TCF20: variants seen among roughly 807,000 people sequenced by gnomAD.
The protein encoded by TCF20 is transcription factor 20, also known as SPRE-binding protein.
In TCF20, 3 loss-of-function variants were observed where a neutral mutation model predicts 148.6. That is an observed-to-expected ratio of 0.02 (90% CI 0.01 to 0.05). TCF20 has a LOEUF of 0.05. TCF20 is among the 10% of genes least tolerant of loss of function. TCF20 has a pLI of 1.00. For missense variants in TCF20, 2,350 were observed against 2,429.3 expected, an observed-to-expected ratio of 0.97 and a Z score of 0.69; for synonymous variants, 1,049 against 909.5, an observed-to-expected ratio of 1.15 and a Z score of -2.76.
Position 42,211,301 on chromosome 22 carries a change from G to C in TCF20, c.4005C>G (p.Ser1335Arg). 6.2e-7 allele frequency: 1 copy of C among 1,614,174 alleles called. No homozygotes were observed. The highest frequency in any genetic ancestry group is 8.5e-7 in the Non-Finnish European group (1 of 1,180,038). Reference sequence around the variant, plus strand: ...GGGGCAGTATTTTGGTCTTAGCAGGGCTTGTGAGGGTAACAGCAGGGCAGT... The same window carrying C: ...GGGGCAGTATTTTGGTCTTAGCAGGCCTTGTGAGGGTAACAGCAGGGCAGT... ...SRNCPAVTLT[S>R]PAKTKILPPR... The change falls in exon 2 of 6, where the codon AGC becomes AGG. Residue 1335 changes from serine to arginine, a missense_variant. By Grantham distance (110) the Ser-to-Arg change is moderately radical. This residue lies in a region of TCF20 where 1,641 missense variants were observed against 1,662.6 expected (regional missense o/e 0.99). Coordinates refer to ENST00000677622, the MANE Select transcript of TCF20 (RefSeq NM_001378418.1).
At chr22:42,221,739 G>GTTTTTTTTGT (rs1922377023) in intron 1 of TCF20, among the ~76,000 whole-genome samples, 1 of 92,820 alleles carries the variant, frequency 1.1e-5, no homozygotes, top group Admixed American at 1.3e-4. Context: ...ATGGCAAAGG[G>GTTTTTTTTGT]TTTTTTTTTT....
chr22:42,324,358 A>T (rs1191182386), intron 1 of TCF20, among the ~76,000 whole-genome samples: 1 of 152,072 alleles, frequency 6.6e-6, no homozygotes, highest in African/African-American at 2.4e-5. Context: ...GCCTGATAAG[A>T]CTTGAGAGAA....
At chr22:42,185,072 G>C (rs192398599) in intron 2 of TCF20, among the ~76,000 whole-genome samples, 4 of 152,164 alleles carry the variant, frequency 2.6e-5, no homozygotes, top group East Asian at 1.9e-4. Context: ...TCACAGAAAG[G>C]CTCTTTCTTA....
intron 1 of TCF20, among the ~76,000 whole-genome samples, chr22:42,308,491 CAG>C (rs1324645948): frequency 6.6e-6 from 1 of 152,100 alleles, no homozygotes; most frequent in African/African-American, 2.4e-5. Flanking sequence ...TACAAATGAA[CAG>C]AGTCTCAAGG....
chr22:42,294,990 G>A (rs758203748), intron 1 of TCF20, among the ~76,000 whole-genome samples: 19 of 152,180 alleles, frequency 1.2e-4, no homozygotes, highest in Non-Finnish European at 2.5e-4. Flanking sequence ...AAACCTACGC[G>A]CTGCCTAGAG....
At chr22:42,243,022 T>C (rs1302111664) in intron 1 of TCF20, among the ~76,000 whole-genome samples, 1 of 151,900 alleles carries the variant, frequency 6.6e-6, no homozygotes, top group Non-Finnish European at 1.5e-5. Context: ...GGAAGATCAA[T>C]GATTACCAAG....
intron 2 of TCF20, among the ~76,000 whole-genome samples, chr22:42,193,997 T>C (rs1208093148): frequency 6.6e-6 from 1 of 152,122 alleles, no homozygotes; most frequent in Admixed American, 6.5e-5. Context: ...ACTGGTCAGA[T>C]TATTGAAATT....
intron 1 of TCF20, among the ~76,000 whole-genome samples, chr22:42,240,958 C>G (rs939979612): frequency 6.6e-6 from 1 of 152,038 alleles, no homozygotes. Flanking sequence ...CGGGTTCATA[C>G]GACTCTCCTG....
At chr22:42,294,731 G>A (rs570679244) in intron 1 of TCF20, among the ~76,000 whole-genome samples, 2 of 152,350 alleles carry the variant, frequency 1.3e-5, no homozygotes, top group Admixed American at 6.5e-5. Flanking sequence ...TCCCAACTCT[G>A]TAGATGAGGA....
At chr22:42,234,499 A>T (rs1415513742) in intron 1 of TCF20, among the ~76,000 whole-genome samples, 2 of 152,172 alleles carry the variant, frequency 1.3e-5, no homozygotes, top group African/African-American at 4.8e-5. Context: ...TGAACACAGG[A>T]GTTAGGAGGA....
In TCF20 at chr22:42,210,066, C is replaced by T. The variant is rs1202177476; in HGVS notation, c.5240G>A (p.Ser1747Asn). The change falls in exon 2 of 6, where the codon AGC (serine) becomes AAC (asparagine). Residue 1747 changes from serine (S) to asparagine (N), a missense_variant. This residue lies in a region of TCF20 where 374 missense variants were observed against 398.3 expected (regional missense o/e 0.94). Transcript: ENST00000677622. The surrounding 1 kb of genome is among the most constrained non-coding windows in gnomAD (Gnocchi z 4.7). Reference protein sequence around the residue: ...PPPKRATEMQSKVKVRHKSAS... With the variant: ...PPPKRATEMQNKVKVRHKSAS... ...ACTTTTGTGCCGTACCTTAACTTTG[C>T]TCTGCATTTCTGTGGCCCTCTTAGG... 1.9e-6 allele frequency: 3 copies of T among 1,613,642 alleles called. No individual in the cohort carries two copies. The highest frequency in any genetic ancestry group is 2.5e-6 in the Non-Finnish European group (3 of 1,180,018).
In TCF20 at chr22:42,211,105, G is replaced by C. The variant is rs1920948897; in HGVS notation, c.4201C>G (p.Gln1401Glu). Residue 1401 changes from glutamine (Q) to glutamate (E), a missense_variant, in exon 2 of 6, where the codon CAG (glutamine) becomes GAG (glutamate). Gln to Glu is a conservative substitution (Grantham distance 29, BLOSUM62 2). Around this residue, in one of 7 missense-constraint regions of TCF20, gnomAD observed 231 missense variants for 213.7 expected, o/e 1.08. Coordinates refer to ENST00000677622, the MANE Select transcript of TCF20 (RefSeq NM_001378418.1). ...TTTCTCTTCTCTATGTCAGCATCCT[G>C]AACAGCAACACTCCCACCTTCAGGA... is the stretch of plus-strand genomic sequence containing the variant. ...GPPEGGSVAV[Q>E]DADIEKRKGE... 2 of 1,614,112 alleles carry C rather than the reference G, an allele frequency of 1.2e-6. No homozygotes were observed. Among genetic ancestry groups the C allele is most frequent in the South Asian group, 1.1e-5 (1 of 91,080 alleles).
chr22:42,319,953 C>T (rs1927702146), intron 1 of TCF20, among the ~76,000 whole-genome samples: 1 of 152,112 alleles, frequency 6.6e-6, no homozygotes, highest in Non-Finnish European at 1.5e-5. Context: ...CAGCCCTGAG[C>T]CCCCAGATCC....
chr22:42,259,289 C>G (rs1925910299), intron 1 of TCF20, among the ~76,000 whole-genome samples: 1 of 152,182 alleles, frequency 6.6e-6, no homozygotes, highest in Non-Finnish European at 1.5e-5. Context: ...GGTTCTGAAA[C>G]TACAAAACCT....
intron 5 of TCF20, among the ~76,000 whole-genome samples, chr22:42,164,508 C>G (rs747344007): frequency 6.6e-6 from 1 of 152,008 alleles, no homozygotes. Flanking sequence ...TAGGCGTTAG[C>G]CACTGTGCCC....
intron 1 of TCF20, among the ~76,000 whole-genome samples, chr22:42,236,900 T>C (rs1470944368): frequency 2.0e-5 from 3 of 152,222 alleles, no homozygotes; most frequent in Non-Finnish European, 4.4e-5. Flanking sequence ...ATTTAAAAAA[T>C]ACTTTATCGT....
intron 3 of TCF20, 75 bp downstream of exon 3, chr22:42,179,534 C>G: frequency 1.2e-6 from 1 of 830,174 alleles, no homozygotes. Context: ...AAAAAAACAA[C>G]GACAACAGAG....
In TCF20 at chr22:42,213,809, T is replaced by C. The variant is rs1601601703; in HGVS notation, c.1497A>G (p.Thr499=). ...CAGGTTGTGAGGAGCCTTCAGAATT[T>C]GTGCAGCTATCTGCTTTCTTGGAAG... is the stretch of plus-strand genomic sequence containing the variant. ...PSSSKKADSC[T]NSEGSSQPEE... The change falls in exon 2 of 6, where the codon ACA becomes ACG. Residue 499 remains threonine (T), a synonymous_variant. Coordinates refer to ENST00000677622, the MANE Select transcript of TCF20 (RefSeq NM_001378418.1). 1.9e-6 allele frequency: 3 copies of C among 1,614,216 alleles called. No homozygotes were observed. In the East Asian group the frequency reaches 6.7e-5, roughly 36 times the overall value.
At chr22:42,228,263 C>T (rs1923087947) in intron 1 of TCF20, among the ~76,000 whole-genome samples, 1 of 151,970 alleles carries the variant, frequency 6.6e-6, no homozygotes, top group Non-Finnish European at 1.5e-5. Context: ...ACAGTCAAAA[C>T]GGACACAGTC....
Sources: gnomAD v4.1 joint callset for allele counts (sites outside exome capture counted in the v4.1 genomes callset) on GRCh38, gnomAD v4.1.1 for gene constraint, gnomAD v4.1.1 regional missense constraint, Gnocchi (gnomAD v3.1) non-coding constraint, MANE v1.5 for transcripts, NCBI Gene and HGNC (gene_info 2026-07-23, HGNC 2026-07-21) for gene names.